The following SNRNP200 variants were observed in gnomAD, a reference collection of about 807,000 sequenced individuals.
SNRNP200 encodes the protein small nuclear ribonucleoprotein U5 subunit 200, also known as U5 small nuclear ribonucleoprotein 200 kDa helicase.
Under a neutral mutation model 255.2 loss-of-function variants are expected in SNRNP200, and 66 were observed. That is an observed-to-expected ratio of 0.26 (90% CI 0.21 to 0.32). The LOEUF is 0.32. Ranked by LOEUF, SNRNP200 falls within the 10% of genes least tolerant of loss-of-function variation. The pLI is 1.00. For missense variants in SNRNP200, 1,585 were observed against 2,749.8 expected, an observed-to-expected ratio of 0.58 and a Z score of 9.47; for synonymous variants, 939 against 1,027.8, an observed-to-expected ratio of 0.91 and a Z score of 1.65.
rs1684684000 is a variant in SNRNP200 at position 96,277,272 on chromosome 2, G to C, written c.5932-31C>G. On this transcript the variant is annotated intron_variant, in intron 41 of 44. Transcript: ENST00000323853. The surrounding 1 kb of genome is among the most constrained non-coding windows in gnomAD (Gnocchi z 4.4). Reference sequence around the variant, plus strand: ...GTGAGTATTCAGACGTCAGGAAAGAGAGAACACGGGCCAACAGCAAATGAC... The same window carrying C: ...GTGAGTATTCAGACGTCAGGAAAGACAGAACACGGGCCAACAGCAAATGAC... 6.2e-7 allele frequency: 1 copy of C among 1,612,794 alleles called. No homozygotes were observed. Among genetic ancestry groups the C allele is most frequent in the South Asian group, 1.1e-5 (1 of 91,064 alleles).
In SNRNP200 at chr2:96,277,333, A is replaced by G. The variant is rs544042771; in HGVS notation, c.5932-92T>C. 2.8e-6 allele frequency: 4 copies of G among 1,408,978 alleles called. No individual in the cohort carries two copies. The highest frequency in any genetic ancestry group is 1.7e-5 in the Admixed American group (1 of 59,050). 87.3% of individuals were successfully genotyped at this position (1,408,978 alleles called of 1,614,324 possible). ...AAGAGCTACTAATTTTACCTCCTAC[A>G]CTATCAAGTCATCTAGATAAAACAG... On this transcript the variant is annotated intron_variant, in intron 41 of 44. Transcript: ENST00000323853. The surrounding 1 kb of genome is among the most constrained non-coding windows in gnomAD (Gnocchi z 4.4).
At chr2:96,289,165 G>C (rs749737817) in intron 22 of SNRNP200, 48 bp from the exon 23 acceptor site, 1 of 1,613,738 alleles carries the variant, frequency 6.2e-7, no homozygotes, top group Non-Finnish European at 8.5e-7. Context: ...GGCCGAGGAG[G>C]GACACCATTC....
rs544354362 is a variant in SNRNP200 at position 96,290,255 on chromosome 2, G to C, written c.2742+71C>G. 6.5e-7 allele frequency: 1 copy of C among 1,542,948 alleles called. No individual in the cohort carries two copies. Among genetic ancestry groups the C allele is most frequent in the African/African-American group, 1.4e-5 (1 of 73,380 alleles). ...ACGCTGCTGGCCCGCAGCACAATAG[G>C]GACCGACCCACTCCTGGTGCCTTGG... On this transcript the variant is annotated intron_variant, in intron 20 of 44. Transcript: ENST00000323853. The surrounding 1 kb of genome is among the most constrained non-coding windows in gnomAD (Gnocchi z 4.5).
Position 96,297,629 on chromosome 2 carries a change from G to A in SNRNP200, c.1203+8C>T. ...AAGGCCTGGGAAATAAATCGCCCTG[G>A]ATCCTACCTCTCCACCCTGGTCGAG... is the stretch of plus-strand genomic sequence containing the variant. On this transcript the variant is annotated splice_region_variant and intron_variant, in intron 10 of 44. Coordinates refer to ENST00000323853, the MANE Select transcript of SNRNP200 (RefSeq NM_014014.5). The A allele has an allele frequency of 6.2e-7, 1 of 1,614,200 alleles. No individual in the cohort carries two copies. The highest frequency in any genetic ancestry group is 1.1e-5 in the South Asian group (1 of 91,086).
intron 36 of SNRNP200, 124 bp from the exon 37 acceptor site, chr2:96,279,122 GC>G: frequency 1.3e-6 from 1 of 789,930 alleles, no homozygotes; most frequent in East Asian, 2.6e-5. Flanking sequence ...AATGGAAGAA[GC>G]CACACATTTA....
Position 96,283,913 on chromosome 2 carries a change from G to A in SNRNP200, c.4484C>T (p.Ser1495Phe), listed in dbSNP as rs746485445. 1 of 1,597,898 alleles carries A rather than the reference G, an allele frequency of 6.3e-7. No homozygotes were observed. The highest frequency in any genetic ancestry group is 1.1e-5 in the South Asian group (1 of 88,782). The change falls in exon 32 of 45, where the codon TCC becomes TTC. Residue 1495 changes from serine to phenylalanine, a missense_variant. Around this residue, in one of 9 missense-constraint regions of SNRNP200, gnomAD observed 719 missense variants for 1,091.1 expected, o/e 0.66. Transcript: ENST00000323853. This position sits in a 1 kb window ranked among gnomAD's most constrained non-coding sequence, Gnocchi z 4.7. The part of the protein sequence containing the change: ...IRIVALSSSL[S>F]NAKDVAHWLG... ...CCAGTGGGCCACATCCTTGGCATTG[G>A]AGAGCGAAGAGCTGAGTGCCACAAT... is the stretch of plus-strand genomic sequence containing the variant.
At position 96,290,762 on chromosome 2, in the gene SNRNP200, T is replaced by C; in HGVS notation, c.2475A>G (p.Thr825=). 3 of 1,614,176 alleles carry C rather than the reference T, an allele frequency of 1.9e-6. No individual in the cohort carries two copies. The highest frequency in any genetic ancestry group is 2.5e-6 in the Non-Finnish European group (3 of 1,180,028). ...LAWGVNLPAH[T]VIIKGTQVYS... is the part of the protein sequence containing the mutation. ...ACACCTGGGTGCCTTTGATGATGAC[T>C]GTATGTGCAGGGAGATTCACACCCC... Residue 825 remains threonine (T), a synonymous_variant, in exon 19 of 45, where the codon ACA becomes ACG. Transcript: ENST00000323853. This position sits in a 1 kb window ranked among gnomAD's most constrained non-coding sequence, Gnocchi z 4.5.
chr2:96,284,061 G>A (rs981503258), intron 31 of SNRNP200, 57 bp from the exon 32 acceptor site: 3 of 1,499,034 alleles, frequency 2.0e-6, no homozygotes, highest in African/African-American at 1.4e-5. Flanking sequence ...TCCTCTGCCT[G>A]GAGGTCCCCT....
chr2:96,303,421 T>C, intron 2 of SNRNP200, 91 bp from the exon 3 acceptor site: 1 of 1,453,704 alleles, frequency 6.9e-7, no homozygotes, highest in Non-Finnish European at 9.6e-7. Context: ...CTCAGCTTCA[T>C]GGCAAGAAGT....
Position 96,291,702 on chromosome 2 carries a change from G to T in SNRNP200, c.2310+49C>A. 1 of 1,608,112 alleles carries T rather than the reference G, an allele frequency of 6.2e-7. No homozygotes were observed. The highest frequency in any genetic ancestry group is 1.1e-5 in the South Asian group (1 of 90,930). ...GAGGAGCTGTCTGGGGCCTGAGATG[G>T]ACACAGCTGCCAGGTAGGAATGAGA... On this transcript the variant is annotated intron_variant, in intron 17 of 44. Transcript: ENST00000323853. The surrounding 1 kb of genome is among the most constrained non-coding windows in gnomAD (Gnocchi z 4.2).
chr2:96,282,929 C>T (rs2063812779), intron 34 of SNRNP200: 4 of 534,330 alleles, frequency 7.5e-6, no homozygotes, highest in Non-Finnish European at 1.4e-5. Flanking sequence ...GTCTGGTGGC[C>T]AAAGGTCCTG....
chr2:96,294,634 T>C (rs570584408), intron 14 of SNRNP200, among the ~76,000 whole-genome samples: 3 of 152,316 alleles, frequency 2.0e-5, no homozygotes, highest in African/African-American at 7.2e-5. Flanking sequence ...AACCAACACG[T>C]GAAGTCTCCT....
intron 5 of SNRNP200, among the ~76,000 whole-genome samples, chr2:96,300,482 C>T (rs2063945222): frequency 6.6e-6 from 1 of 151,966 alleles, no homozygotes; most frequent in Non-Finnish European, 1.5e-5. Flanking sequence ...ATATTGTGGC[C>T]GGGCGCAGTG....
chr2:96,294,967 T>C (rs897670183), intron 14 of SNRNP200, among the ~76,000 whole-genome samples: 4 of 152,088 alleles, frequency 2.6e-5, no homozygotes, highest in African/African-American at 9.7e-5. Flanking sequence ...TCCCAGAACT[T>C]TGGGAGGCTG....
intron 2 of SNRNP200, among the ~76,000 whole-genome samples, chr2:96,303,883 C>T (rs1214245259): frequency 2.1e-5 from 3 of 142,592 alleles, no homozygotes; most frequent in Non-Finnish European, 4.5e-5. Flanking sequence ...AGTGAGATTC[C>T]GTCTCAAAAA....
At chr2:96,305,344 T>TC in intron 1 of SNRNP200, 49 bp downstream of exon 1, 2 of 1,610,420 alleles carry the variant, frequency 1.2e-6, no homozygotes, top group Non-Finnish European at 1.7e-6. Flanking sequence ...AGCCTCCCCC[T>TC]CCCCATTGGA....
intron 9 of SNRNP200, 111 bp from the exon 10 acceptor site, chr2:96,297,831 G>T: frequency 8.9e-7 from 1 of 1,128,824 alleles, no homozygotes; most frequent in Non-Finnish European, 1.3e-6. Context: ...TGACTAGTAA[G>T]TCGTGAAACA....
intron 9 of SNRNP200, 107 bp from the exon 10 acceptor site, chr2:96,297,827 G>A (rs987135572): frequency 3.4e-6 from 4 of 1,171,990 alleles, no homozygotes; most frequent in Non-Finnish European, 5.1e-6. Flanking sequence ...GTGCTGACTA[G>A]TAAGTCGTGA....
chr2:96,277,893 T>G lies in SNRNP200; in HGVS notation c.5668A>C (p.Lys1890Gln). 1.2e-6 allele frequency: 2 copies of G among 1,614,230 alleles called. No homozygotes were observed. Among genetic ancestry groups the G allele is most frequent in the Non-Finnish European group, 1.7e-6 (2 of 1,180,046 alleles). ...TGAGCCTGCAGGAGCAGGTTGGTCT[T>G]GACGTGCGGATCATTGAACTTAGGG... is the stretch of plus-strand genomic sequence containing the variant. Reference protein sequence around the residue: ...NNPKFNDPHVKTNLLLQAHLS... With the variant: ...NNPKFNDPHVQTNLLLQAHLS... The change falls in exon 40 of 45, where the codon AAG (lysine) becomes CAG (glutamine). Residue 1890 changes from lysine (K) to glutamine (Q), a missense_variant. Around this residue, in one of 9 missense-constraint regions of SNRNP200, gnomAD observed 279 missense variants for 551.2 expected, o/e 0.51. Transcript: ENST00000323853. The surrounding 1 kb of genome is among the most constrained non-coding windows in gnomAD (Gnocchi z 4.4).
Sources: gnomAD v4.1 joint callset for allele counts (sites outside exome capture counted in the v4.1 genomes callset) on GRCh38, gnomAD v4.1.1 for gene constraint, gnomAD v4.1.1 regional missense constraint, Gnocchi (gnomAD v3.1) non-coding constraint, MANE v1.5 for transcripts, NCBI Gene and HGNC (gene_info 2026-07-23, HGNC 2026-07-21) for gene names.